MYRIP: variants seen among roughly 807,000 people sequenced by gnomAD.
MYRIP encodes myosin VIIA and Rab interacting protein.
Under a neutral mutation model 98.0 loss-of-function variants are expected in MYRIP, and 49 were observed. That is an observed-to-expected ratio of 0.50 (90% confidence interval 0.40 to 0.63). The LOEUF (loss-of-function observed/expected upper bound fraction) is 0.63, where lower values mean the gene tolerates loss of function less well. Ranked by LOEUF, MYRIP falls within the 30% of genes least tolerant of loss-of-function variation. The probability of loss-of-function intolerance (pLI) is 0.00; values close to 1 mark genes in which losing one functional copy is unlikely to be tolerated. For synonymous variants in MYRIP, 404 were observed against 409.5 expected, an observed-to-expected ratio of 0.99 and a Z score of 0.16; for missense variants, 1,004 against 1,058.2, an observed-to-expected ratio of 0.95 and a Z score of 0.71.
At chr3:40,209,766 T>C in intron 10 of MYRIP, 88 bp from the exon 11 acceptor site, 1 of 1,540,652 alleles carries the variant, frequency 6.5e-7, no homozygotes, top group Non-Finnish European at 8.8e-7. Context: ...TATGTTCCTA[T>C]GTTCCTTTAC....
At chr3:39,900,273 T>A (rs894049786) in intron 1 of MYRIP, among the ~76,000 whole-genome samples, 27 of 152,114 alleles carry the variant, frequency 1.8e-4, no homozygotes, top group African/African-American at 6.3e-4. Context: ...ACTTATTGAT[T>A]TTTAGTTTGT....
chr3:40,182,881 C>T (rs6785088), intron 9 of MYRIP, among the ~76,000 whole-genome samples: 10,508 of 152,216 alleles, frequency 0.069, 1,171 homozygotes, highest in African/African-American at 0.24. Flanking sequence ...GTAGCATATG[C>T]CACTATAACA....
Position 40,131,130 on chromosome 3 carries a change from C to T in MYRIP, c.333-19918C>T, listed in dbSNP as rs113802771. ...GCCATTGTGAAAAATTGCAATACTT[C>T]TACCTGCCCCCATGCTCCAAAACAA... On this transcript the variant is annotated intron_variant, in intron 3 of 16. Transcript: ENST00000302541. Among the ~76,000 whole-genome samples, 1,103 of 152,282 alleles carry T rather than the reference C, an allele frequency of 7.2e-3. 19 individuals are homozygous for T. Among genetic ancestry groups the T allele is most frequent in the African/African-American group, 0.024 (999 of 41,544 alleles).
intron 10 of MYRIP, among the ~76,000 whole-genome samples, chr3:40,198,789 TAA>T (rs1951470201): frequency 6.6e-6 from 1 of 152,204 alleles, no homozygotes; most frequent in Non-Finnish European, 1.5e-5. Flanking sequence ...AAAAATATGG[TAA>T]GAGTCTTGCC....
intron 2 of MYRIP, among the ~76,000 whole-genome samples, chr3:40,032,446 C>T (rs1027093464): frequency 1.3e-5 from 2 of 152,060 alleles, no homozygotes; most frequent in South Asian, 4.1e-4. Flanking sequence ...TTACTTCCAA[C>T]TATGTGGTCA....
At chr3:40,216,288 G>T (rs1315558718) in intron 11 of MYRIP, among the ~76,000 whole-genome samples, 1 of 152,140 alleles carries the variant, frequency 6.6e-6, no homozygotes, top group Non-Finnish European at 1.5e-5. Flanking sequence ...GAAAGGCCTG[G>T]CAAGCAAGGC....
chr3:40,145,909 A>G (rs918785166), intron 3 of MYRIP, among the ~76,000 whole-genome samples: 1 of 152,206 alleles, frequency 6.6e-6, no homozygotes, highest in Non-Finnish European at 1.5e-5. Flanking sequence ...AGTGGAAAAA[A>G]CAAGTTATAA....
intron 3 of MYRIP, among the ~76,000 whole-genome samples, chr3:40,132,556 C>T (rs1259831046): frequency 6.6e-6 from 1 of 152,238 alleles, no homozygotes; most frequent in Non-Finnish European, 1.5e-5. Context: ...TTTTTCTGGG[C>T]CAGGGCCCTG....
At chr3:39,915,855 A>G (rs1944144914) in intron 2 of MYRIP, among the ~76,000 whole-genome samples, 1 of 152,000 alleles carries the variant, frequency 6.6e-6, no homozygotes, top group African/African-American at 2.4e-5. Context: ...TCGTTAATAG[A>G]TGAAAAATAT....
chr3:40,247,144 T>C (rs1473325451), intron 13 of MYRIP, among the ~76,000 whole-genome samples: 10 of 152,150 alleles, frequency 6.6e-5, no homozygotes, highest in Admixed American at 6.6e-4. Flanking sequence ...GGATAATTAT[T>C]CCCCCTTTAT....
intron 1 of MYRIP, among the ~76,000 whole-genome samples, chr3:39,829,510 G>C (rs1219312154): frequency 6.6e-6 from 1 of 152,114 alleles, no homozygotes; most frequent in Non-Finnish European, 1.5e-5. Flanking sequence ...AAAGATGTTT[G>C]TGAGTTTCTC....
intron 3 of MYRIP, among the ~76,000 whole-genome samples, chr3:40,044,880 G>T (rs1947635862): frequency 6.6e-6 from 1 of 152,182 alleles, no homozygotes. Flanking sequence ...AGACAACTTT[G>T]CGAGGGAAAT....
rs386396419 is a variant in MYRIP at position 40,129,440 on chromosome 3, C to CAAAAA, written c.333-21576_333-21572dup. ...TGGGCGACAGAGTGAGACTCTGTCT[C>CAAAAA]AAAAAAAAAAAAAAAAAAAAAAAAA... On this transcript the variant is annotated intron_variant, in intron 3 of 16. Transcript: ENST00000302541. Among the ~76,000 whole-genome samples, 24 of 29,372 alleles carry CAAAAA rather than the reference C, an allele frequency of 8.2e-4. 6 individuals are homozygous for CAAAAA. The highest frequency in any genetic ancestry group is 2.5e-3 in the Admixed American group (4 of 1,580). 19.3% of individuals were successfully genotyped at this position (29,372 alleles called of 152,430 possible).
At chr3:40,248,161 G>A (rs1191734456) in intron 13 of MYRIP, 7 of 152,376 alleles carry the variant, frequency 4.6e-5, no homozygotes, top group Admixed American at 3.9e-4. Flanking sequence ...TTAGGACAGA[G>A]TCTAAGGATG....
At chr3:39,849,348 C>G (rs909874846) in intron 1 of MYRIP, among the ~76,000 whole-genome samples, 4 of 152,176 alleles carry the variant, frequency 2.6e-5, no homozygotes, top group Non-Finnish European at 5.9e-5. Flanking sequence ...CTGTGCTTCT[C>G]ATTTATTTCC....
intron 3 of MYRIP, among the ~76,000 whole-genome samples, chr3:40,059,252 T>C (rs955402713): frequency 2.0e-5 from 3 of 152,188 alleles, no homozygotes; most frequent in African/African-American, 4.8e-5. Context: ...TACGTTTGCA[T>C]GTGTCTTTAT....
chr3:39,982,753 A>G (rs1945926348), intron 2 of MYRIP, among the ~76,000 whole-genome samples: 2 of 152,168 alleles, frequency 1.3e-5, no homozygotes, highest in African/African-American at 4.8e-5. Context: ...TTAAATCATC[A>G]TCCTAATTAC....
chr3:40,016,753 G>T (rs1017165100), intron 2 of MYRIP, among the ~76,000 whole-genome samples: 1 of 152,184 alleles, frequency 6.6e-6, no homozygotes. Flanking sequence ...CAAACTTAAT[G>T]TCTCCCAACC....
chr3:39,886,780 C>A (rs1052933693), intron 1 of MYRIP, among the ~76,000 whole-genome samples: 1 of 151,606 alleles, frequency 6.6e-6, no homozygotes, highest in East Asian at 2.0e-4. Flanking sequence ...GACAGATCAA[C>A]GAGACAGAAA....
Sources: gnomAD v4.1 joint callset for allele counts (sites outside exome capture counted in the v4.1 genomes callset) on GRCh38, gnomAD v4.1.1 for gene constraint, MANE v1.5 for transcripts, NCBI Gene and HGNC (gene_info 2026-07-23, HGNC 2026-07-21) for gene names.